The following ZMAT4 variants were observed in gnomAD, a reference collection of about 807,000 sequenced individuals.
The protein encoded by ZMAT4 is zinc finger matrin-type 4.
ZMAT4 carries 17 observed loss-of-function variants against 28.7 expected under a neutral mutation model. The ratio of observed to expected loss-of-function variants is 0.59; its 90% CI spans 0.41 to 0.89. The LOEUF is 0.89. Among genes scored for constraint, ZMAT4 ranks in the 40% least tolerant of loss-of-function variants. The pLI is 0.00. For missense variants in ZMAT4, 240 were observed against 283.8 expected, an observed-to-expected ratio of 0.85 and a Z score of 1.11; for synonymous variants, 117 against 109.2, an observed-to-expected ratio of 1.07 and a Z score of -0.44.
At chr8:40,622,443 C>T (rs1423301943) in intron 5 of ZMAT4, among the ~76,000 whole-genome samples, 1 of 152,186 alleles carries the variant, frequency 6.6e-6, no homozygotes, top group East Asian at 1.9e-4. Flanking sequence ...AAAAAGAACA[C>T]TGGCAGAATT....
intron 5 of ZMAT4, among the ~76,000 whole-genome samples, chr8:40,627,031 T>C (rs2118710844): frequency 6.6e-6 from 1 of 152,324 alleles, no homozygotes; most frequent in African/African-American, 2.4e-5. Flanking sequence ...TAATTCTGTT[T>C]GTAAAATTGC....
intron 3 of ZMAT4, among the ~76,000 whole-genome samples, chr8:40,719,905 G>A (rs1002927233): frequency 1.3e-5 from 2 of 152,074 alleles, no homozygotes; most frequent in African/African-American, 4.8e-5. Flanking sequence ...TGCTCTCCCT[G>A]GAGGCAAAGG....
chr8:40,644,645 AC>A (rs1164907787), intron 5 of ZMAT4, among the ~76,000 whole-genome samples: 3 of 152,150 alleles, frequency 2.0e-5, no homozygotes, highest in Admixed American at 2.0e-4. Context: ...TAGATACTCC[AC>A]CCTCAAGGAG....
intron 3 of ZMAT4, among the ~76,000 whole-genome samples, chr8:40,766,919 T>C (rs1034116659): frequency 1.3e-5 from 2 of 152,200 alleles, no homozygotes; most frequent in Admixed American, 6.5e-5. Context: ...AGCCTCCTCT[T>C]AACTCAAAGG....
At chr8:40,536,500 ATCT>A (rs1218791922) in intron 6 of ZMAT4, among the ~76,000 whole-genome samples, 3 of 152,176 alleles carry the variant, frequency 2.0e-5, no homozygotes, top group Non-Finnish European at 2.9e-5. Context: ...TGTCACTGGC[ATCT>A]TCTTCTCCAT....
At chr8:40,880,420 G>C (rs1357081383) in intron 1 of ZMAT4, among the ~76,000 whole-genome samples, 1 of 150,850 alleles carries the variant, frequency 6.6e-6, no homozygotes, top group Non-Finnish European at 1.5e-5. Flanking sequence ...TTTCCAGAAA[G>C]AGGGCACCAA....
intron 3 of ZMAT4, among the ~76,000 whole-genome samples, chr8:40,735,157 A>C (rs547645818): frequency 2.0e-5 from 3 of 152,332 alleles, no homozygotes; most frequent in African/African-American, 7.2e-5. Context: ...TATAAAATCA[A>C]AACAGTCAAC....
intron 2 of ZMAT4, among the ~76,000 whole-genome samples, chr8:40,786,445 T>C (rs1814086820): frequency 1.2e-5 from 1 of 80,678 alleles, no homozygotes. Flanking sequence ...CAGAAGTACA[T>C]GACATTCATT....
chr8:40,803,173 T>C (rs981048803), intron 2 of ZMAT4, among the ~76,000 whole-genome samples: 1 of 152,172 alleles, frequency 6.6e-6, no homozygotes, highest in Non-Finnish European at 1.5e-5. Context: ...GTGATAATTT[T>C]TTAGTTGCAA....
intron 6 of ZMAT4, among the ~76,000 whole-genome samples, chr8:40,573,395 C>A (rs1465883515): frequency 6.6e-6 from 1 of 152,120 alleles, no homozygotes; most frequent in Admixed American, 6.6e-5. Context: ...CCTGGTGATT[C>A]CTTGGTTTGT....
chr8:40,614,881 T>C (rs1321396920), intron 5 of ZMAT4, among the ~76,000 whole-genome samples: 4 of 152,234 alleles, frequency 2.6e-5, no homozygotes, highest in African/African-American at 7.2e-5. Context: ...CTTTATCCAA[T>C]TTGCCAGTCT....
At chr8:40,705,043 T>C (rs1339673776) in intron 3 of ZMAT4, among the ~76,000 whole-genome samples, 1 of 152,206 alleles carries the variant, frequency 6.6e-6, no homozygotes, top group African/African-American at 2.4e-5. Context: ...ACTCTGTGGA[T>C]GAAAACTCCC....
chr8:40,893,698 G>A (rs531051573), intron 1 of ZMAT4, among the ~76,000 whole-genome samples: 41 of 152,288 alleles, frequency 2.7e-4, no homozygotes, highest in African/African-American at 9.9e-4. Context: ...GGGGGTACAT[G>A]TGCAGGTTTG....
At chr8:40,833,100 T>C (rs1361824060) in intron 1 of ZMAT4, among the ~76,000 whole-genome samples, 1 of 152,188 alleles carries the variant, frequency 6.6e-6, no homozygotes, top group Non-Finnish European at 1.5e-5. Context: ...GTTTTCGTGA[T>C]CATCTCTGCC....
intron 1 of ZMAT4, among the ~76,000 whole-genome samples, chr8:40,894,268 G>A (rs1307819260): frequency 6.6e-6 from 1 of 152,222 alleles, no homozygotes; most frequent in African/African-American, 2.4e-5. Context: ...CTCTGGTGAG[G>A]TCTGCATAGA....
chr8:40,819,088 A>C (rs1270028376), intron 2 of ZMAT4, among the ~76,000 whole-genome samples: 1 of 152,202 alleles, frequency 6.6e-6, no homozygotes, highest in Admixed American at 6.5e-5. Context: ...AGCCAAGGCC[A>C]AAGTTCTGTC....
chr8:40,758,707 A>G lies in ZMAT4; in HGVS notation c.192+8934T>C, dbSNP rs542742904. 2.2e-4 allele frequency among the ~76,000 whole-genome samples: 34 copies of G among 152,326 alleles called. 1 individual carries two copies. The highest frequency in any genetic ancestry group is 4.1e-4 in the Non-Finnish European group (28 of 68,022). On this transcript the variant is annotated intron_variant, in intron 3 of 6. Transcript: ENST00000297737. ...GGTCTCTAGAAGGAAGCAAAGAAAA[A>G]TGGATCTTGGGAATAAATAGGATTT...
At chr8:40,887,208 C>G (rs1298485353) in intron 1 of ZMAT4, among the ~76,000 whole-genome samples, 2 of 145,108 alleles carry the variant, frequency 1.4e-5, no homozygotes, top group East Asian at 2.1e-4. Context: ...TGGCCAGGCA[C>G]GGTGGCTCAC....
chr8:40,626,116 A>G (rs1307398134), intron 5 of ZMAT4, among the ~76,000 whole-genome samples: 100 of 29,316 alleles, frequency 3.4e-3, no homozygotes, highest in African/African-American at 6.5e-3. Flanking sequence ...GCCTCAGAAA[A>G]AAAAAAAAAA....
Sources: gnomAD v4.1 joint callset for allele counts (sites outside exome capture counted in the v4.1 genomes callset) on GRCh38, gnomAD v4.1.1 for gene constraint, MANE v1.5 for transcripts, NCBI Gene and HGNC (gene_info 2026-07-23, HGNC 2026-07-21) for gene names.